NT5DC4: variants seen among roughly 807,000 people sequenced by gnomAD.
NT5DC4 encodes 5'-nucleotidase domain-containing protein 4.
NT5DC4 carries 44 observed loss-of-function variants against 26.6 expected under a neutral mutation model. The observed-to-expected ratio is 1.65, with a 90% CI of 1.30 to 2.13. The LOEUF (loss-of-function observed/expected upper bound fraction) is 2.13, where lower values mean the gene tolerates loss of function less well. Ranked by LOEUF, NT5DC4 falls within the 30% of genes most tolerant of loss-of-function variation. NT5DC4 has a pLI of 0.00. For missense variants in NT5DC4, 399 were observed against 228.1 expected (o/e 1.75, Z -4.83); for synonymous variants, 157 against 86.7 (o/e 1.81, Z -4.51).
At position 112,729,786 on chromosome 2, in the gene NT5DC4, C is replaced by T. The variant is rs1678261828; in HGVS notation, c.1344+82C>T. On this transcript the variant is annotated intron_variant, in intron 16 of 16. Transcript: ENST00000688554. ...GGTTCCCAGTGGGGTTGTATCAACC[C>T]CAGGACGCATGAGGCAATTGGTGGG... 14 of 707,814 alleles carry T rather than the reference C, an allele frequency of 2.0e-5. No individual in the cohort carries two copies. The South Asian group carries it at 2.1e-4, about 11-fold the overall frequency. The allele number at this position is 707,814 out of a possible 1,614,324, so 43.8% of individuals were successfully genotyped here.
chr2:112,718,957 G>A (rs1421367865), upstream of NT5DC4, among the ~76,000 whole-genome samples: 10 of 152,188 alleles, frequency 6.6e-5, no homozygotes, highest in Non-Finnish European at 1.2e-4. Flanking sequence ...TCCTCCATCC[G>A]ATGAGGAAAC....
In NT5DC4 at chr2:112,731,917, C is replaced by CTTT. The variant is rs749249208; in HGVS notation, c.1344+2234_1344+2236dup. On this transcript the variant is annotated intron_variant, in intron 16 of 16. Transcript: ENST00000688554. ...ACGGGCCATGGAATCAGAGAGTTTA[C>CTTT]TTTTTTTTTTTTTTTTTTTTTTTGA... 1.2e-3 allele frequency among the ~76,000 whole-genome samples: 127 copies of CTTT among 108,608 alleles called. 2 individuals are homozygous for CTTT. Among genetic ancestry groups the CTTT allele is most frequent in the African/African-American group, 2.6e-3 (73 of 27,682 alleles). 71.3% of individuals were successfully genotyped at this position (108,608 alleles called of 152,430 possible). A position where few individuals can be genotyped will look rare whatever the true frequency, so the allele number is the denominator to read the frequency against.
intron 8 of NT5DC4, 50 bp from the exon 9 acceptor site, chr2:112,723,669 G>C: frequency 1.4e-6 from 1 of 707,976 alleles, no homozygotes; most frequent in Non-Finnish European, 2.6e-6. Context: ...GAGGATCCCA[G>C]GGCAGCTCTG....
downstream of NT5DC4, among the ~76,000 whole-genome samples, chr2:112,740,633 T>C (rs1679864431): frequency 6.6e-6 from 1 of 152,052 alleles, no homozygotes; most frequent in Admixed American, 6.6e-5. Context: ...GCAGGACAAA[T>C]GAGAGTGAAA....
chr2:112,730,792 A>C (rs553710612), intron 16 of NT5DC4, among the ~76,000 whole-genome samples: 9 of 152,332 alleles, frequency 5.9e-5, no homozygotes, highest in Non-Finnish European at 1.5e-5. Flanking sequence ...TAGAAAATAA[A>C]GTGTAAGTTA....
Position 112,738,929 on chromosome 2 carries a change from A to G in NT5DC4, c.1361A>G (p.His454Arg). Residue 454 changes from histidine (H) to arginine (R), a missense_variant, in exon 17 of 17, where the codon CAC (histidine) becomes CGC (arginine). Coordinates refer to ENST00000688554, the MANE Select transcript of NT5DC4 (RefSeq NM_001393655.1). The part of the protein sequence containing the change: ...SCNQRFIKRS[H>R]Y ...TTCTAACAGTTCATCAAGAGAAGCC[A>G]CTACTAAATCGTGTTCCTGCAGCAT... The G allele has an allele frequency of 1.2e-6, 2 of 1,614,160 alleles. No individual in the cohort carries two copies. The highest frequency in any genetic ancestry group is 1.7e-6 in the Non-Finnish European group (2 of 1,179,992).
rs185832314 is a variant in NT5DC4 at position 112,734,423 on chromosome 2, C to T, written c.1345-4490C>T. Among the ~76,000 whole-genome samples the T allele has an allele frequency of 1.4e-3, 214 of 152,226 alleles. 2 individuals are homozygous for T. The Middle Eastern group carries it at 0.044, about 31-fold the overall frequency. On this transcript the variant is annotated intron_variant, in intron 16 of 16. Transcript: ENST00000688554. Reference sequence around the variant, plus strand: ...GGTACTATTCTCTGGCAGGTTTTGTCCATGAGGTTATAAGATGGCTGTTCC... The same window carrying T: ...GGTACTATTCTCTGGCAGGTTTTGTTCATGAGGTTATAAGATGGCTGTTCC...
intron 16 of NT5DC4, among the ~76,000 whole-genome samples, chr2:112,730,861 G>T (rs1678405665): frequency 1.3e-5 from 2 of 152,148 alleles, no homozygotes; most frequent in South Asian, 4.1e-4. Flanking sequence ...TTTAATCAGT[G>T]GTTGGCAACT....
At chr2:112,722,985 G>T in intron 6 of NT5DC4, 96 bp from the exon 7 acceptor site, 2 of 361,168 alleles carry the variant, frequency 5.5e-6, no homozygotes, top group Admixed American at 3.8e-5. Flanking sequence ...GAAGGCCCCA[G>T]TGTGGCTGGT....
At position 112,723,394 on chromosome 2, in the gene NT5DC4, C is replaced by CACACACACACACACACACACACAG. The variant is rs752115339; in HGVS notation, c.622-23_622-22insCACACACACACACACACACACAGA. On this transcript the variant is annotated intron_variant, in intron 7 of 16. Coordinates refer to ENST00000688554, the MANE Select transcript of NT5DC4 (RefSeq NM_001393655.1). Reference sequence around the variant, plus strand: ...ACACACACACACACACACACACACACAGGCACTTTGCTCCCTCCTGCAGGG... The same window carrying CACACACACACACACACACACACAG: ...ACACACACACACACACACACACACACACACACACACACACACACACACAGAGGCACTTTGCTCCCTCCTGCAGGG... 5.6e-6 allele frequency: 4 copies of CACACACACACACACACACACACAG among 716,220 alleles called. No homozygotes were observed. In the African/African-American group the frequency reaches 7.0e-5, roughly 13 times the overall value. 44.4% of individuals were successfully genotyped at this position (716,220 alleles called of 1,614,324 possible).
In NT5DC4 at chr2:112,725,216, C is replaced by T. The variant is rs1677547555; in HGVS notation, c.958C>T (p.Gln320Ter). Reference protein sequence around the residue: ...LHVGTYTGPHQHCAVYSGGSS... With the variant: ...LHVGTYTGPH ...CGTGGGCACCTACACAGGGCCCCAC[C>T]AGCACTGTGCTGTCTACTCTGGAGG... The change falls in exon 12 of 17, where the codon CAG (glutamine) becomes TAG (stop). Residue 320 changes from glutamine to a stop codon, truncating the protein, a stop_gained. Transcript: ENST00000688554. LOFTEE classifies it high-confidence loss of function. 1.4e-6 allele frequency: 1 copy of T among 715,408 alleles called. No homozygotes were observed. The highest frequency in any genetic ancestry group is 2.7e-5 in the East Asian group (1 of 37,160). The allele number at this position is 715,408 out of a possible 1,614,324, so 44.3% of individuals were successfully genotyped here.
At chr2:112,734,686 G>A (rs6756171) in intron 16 of NT5DC4, among the ~76,000 whole-genome samples, 3 of 152,136 alleles carry the variant, frequency 2.0e-5, no homozygotes, top group Non-Finnish European at 4.4e-5. Context: ...TGGTAGTAGG[G>A]AAATTGGGGT....
At chr2:112,720,165 C>T (rs1041774176), upstream of NT5DC4, among the ~76,000 whole-genome samples, 1 of 150,966 alleles carries the variant, frequency 6.6e-6, no homozygotes, top group African/African-American at 2.4e-5. Context: ...CTCAGCCTCC[C>T]GAGAAGCTGC....
intron 10 of NT5DC4, 172 bp downstream of exon 10, chr2:112,724,298 C>A: frequency 1.6e-6 from 1 of 644,048 alleles, no homozygotes; most frequent in Admixed American, 2.2e-5. Context: ...GGGTAGGAGC[C>A]TGGTGACCTC....
chr2:112,731,614 T>A (rs1439537688), intron 16 of NT5DC4: 2 of 152,212 alleles, frequency 1.3e-5, no homozygotes, highest in Non-Finnish European at 2.9e-5. Flanking sequence ...CTCATGATTT[T>A]AAAACTTGAC....
chr2:112,735,179 G>T (rs1215865717), intron 16 of NT5DC4, among the ~76,000 whole-genome samples: 1 of 151,254 alleles, frequency 6.6e-6, no homozygotes, highest in Non-Finnish European at 1.5e-5. Flanking sequence ...GAGTAGCTGG[G>T]ATTACAGGTG....
chr2:112,728,601 T>G (rs1678064931), intron 15 of NT5DC4, among the ~76,000 whole-genome samples: 1 of 152,240 alleles, frequency 6.6e-6, no homozygotes, highest in Non-Finnish European at 1.5e-5. Context: ...TGAGGCTCCC[T>G]GTCGCCTGCC....
chr2:112,725,719 G>C (rs1677616804), intron 13 of NT5DC4, among the ~76,000 whole-genome samples, 167 bp downstream of exon 13: 1 of 152,210 alleles, frequency 6.6e-6, no homozygotes, highest in Admixed American at 6.5e-5. Flanking sequence ...CAGACCCAGA[G>C]AGGCTAAGCG....
intron 16 of NT5DC4, among the ~76,000 whole-genome samples, chr2:112,736,116 C>T (rs984276607): frequency 6.6e-6 from 1 of 151,990 alleles, no homozygotes; most frequent in Non-Finnish European, 1.5e-5. Flanking sequence ...AGTAAGTGCA[C>T]AAGCAATGGA....
Sources: gnomAD v4.1 joint callset for allele counts (sites outside exome capture counted in the v4.1 genomes callset) on GRCh38, gnomAD v4.1.1 for gene constraint, MANE v1.5 for transcripts, NCBI Gene and HGNC (gene_info 2026-07-23, HGNC 2026-07-21) for gene names.